Variants in LRRTM4 observed in about 807,000 individuals in gnomAD.
LRRTM4 encodes leucine rich repeat transmembrane neuronal 4.
LRRTM4 carries 25 observed loss-of-function variants against 47.6 expected under a neutral mutation model. That is an observed-to-expected ratio of 0.53 (90% CI 0.38 to 0.73). The LOEUF is 0.73. Ranked by LOEUF, LRRTM4 falls within the 30% of genes least tolerant of loss-of-function variation. The probability of loss-of-function intolerance (pLI) is 0.00; values close to 1 mark genes in which losing one functional copy is unlikely to be tolerated. For synonymous variants in LRRTM4, 311 were observed against 269.5 expected, an observed-to-expected ratio of 1.15 and a Z score of -1.51; for missense variants, 638 against 713.4, an observed-to-expected ratio of 0.89 and a Z score of 1.20.
intron 2 of LRRTM4, among the ~76,000 whole-genome samples, chr2:77,520,450 C>T (rs985225201): frequency 1.3e-5 from 2 of 151,966 alleles, no homozygotes; most frequent in Non-Finnish European, 2.9e-5. Flanking sequence ...TATAGGCAGC[C>T]AATGAAGCAT....
chr2:76,910,487 AAAGTAT>A (rs1252303585), intron 3 of LRRTM4, among the ~76,000 whole-genome samples: 1 of 152,200 alleles, frequency 6.6e-6, no homozygotes, highest in Non-Finnish European at 1.5e-5. Context: ...CCTAAAACTT[AAAGTAT>A]AATAATAAAA....
chr2:77,472,882 CA>C (rs1178414017), intron 3 of LRRTM4, among the ~76,000 whole-genome samples: 1 of 152,064 alleles, frequency 6.6e-6, no homozygotes, highest in Non-Finnish European at 1.5e-5. Context: ...TTAAACAAGT[CA>C]ATATCAGGTA....
At chr2:76,762,014 A>G (rs1286003695) in intron 3 of LRRTM4, among the ~76,000 whole-genome samples, 1 of 152,204 alleles carries the variant, frequency 6.6e-6, no homozygotes, top group Non-Finnish European at 1.5e-5. Context: ...GTGAGACTAC[A>G]GAGAATAGCT....
chr2:77,310,052 A>C (rs1175437432), intron 3 of LRRTM4, among the ~76,000 whole-genome samples: 1 of 152,190 alleles, frequency 6.6e-6, no homozygotes, highest in African/African-American at 2.4e-5. Context: ...TTACAAAAAA[A>C]ACTTTTTTTG....
At chr2:76,996,812 C>T (rs1470506) in intron 3 of LRRTM4, among the ~76,000 whole-genome samples, 76,402 of 151,744 alleles carry the variant, frequency 0.5, 19,919 homozygotes, top group African/African-American at 0.63. Flanking sequence ...AACAAAATTA[C>T]ATAATTGACA....
intron 3 of LRRTM4, among the ~76,000 whole-genome samples, chr2:77,333,786 C>G (rs887800844): frequency 6.6e-6 from 1 of 152,146 alleles, no homozygotes; most frequent in African/African-American, 2.4e-5. Context: ...CTGTGAGAAG[C>G]AGACCACCAT....
chr2:77,414,469 T>C (rs1018079174), intron 3 of LRRTM4, among the ~76,000 whole-genome samples: 14 of 152,232 alleles, frequency 9.2e-5, no homozygotes, highest in Non-Finnish European at 1.6e-4. Flanking sequence ...AGTGATCTTC[T>C]TCTGTGTTCC....
At chr2:77,147,792 T>G (rs1166855190) in intron 3 of LRRTM4, among the ~76,000 whole-genome samples, 1 of 152,162 alleles carries the variant, frequency 6.6e-6, no homozygotes, top group African/African-American at 2.4e-5. Flanking sequence ...TTGGGCTAAT[T>G]GTTAAGGAGG....
At chr2:77,292,077 C>CA (rs1023331963) in intron 3 of LRRTM4, among the ~76,000 whole-genome samples, 2 of 151,506 alleles carry the variant, frequency 1.3e-5, no homozygotes, top group Non-Finnish European at 2.9e-5. Flanking sequence ...TTTATGCAGC[C>CA]AAAAAAACAC....
intron 3 of LRRTM4, among the ~76,000 whole-genome samples, chr2:76,853,280 A>C (rs1011779651): frequency 1.3e-5 from 2 of 152,120 alleles, no homozygotes; most frequent in African/African-American, 4.8e-5. Flanking sequence ...AGAGATGTTC[A>C]AGAAATATAA....
At chr2:76,766,131 C>T (rs560870715) in intron 3 of LRRTM4, among the ~76,000 whole-genome samples, 17 of 152,308 alleles carry the variant, frequency 1.1e-4, no homozygotes, top group Middle Eastern at 3.4e-3. Flanking sequence ...CCTACAGAAG[C>T]ATGATCATTT....
At chr2:77,164,606 A>C (rs1672827758) in intron 3 of LRRTM4, among the ~76,000 whole-genome samples, 1 of 152,190 alleles carries the variant, frequency 6.6e-6, no homozygotes, top group Non-Finnish European at 1.5e-5. Flanking sequence ...AAATTATAAC[A>C]AACTGTCTCT....
At chr2:76,902,054 T>C (rs1673655332) in intron 3 of LRRTM4, among the ~76,000 whole-genome samples, 1 of 152,212 alleles carries the variant, frequency 6.6e-6, no homozygotes, top group African/African-American at 2.4e-5. Flanking sequence ...AAGAAATGTT[T>C]AGATTTCTAA....
chr2:76,805,809 A>AAAACAAAC (rs145013975), intron 3 of LRRTM4, among the ~76,000 whole-genome samples: 2,181 of 152,018 alleles, frequency 0.014, 49 homozygotes, highest in African/African-American at 0.049. Context: ...AGACCTCCAT[A>AAAACAAAC]AAACAAACAA....
chr2:77,415,863 G>A (rs951008295), intron 3 of LRRTM4, among the ~76,000 whole-genome samples: 1 of 152,032 alleles, frequency 6.6e-6, no homozygotes, highest in Non-Finnish European at 1.5e-5. Flanking sequence ...GTATTCCCTA[G>A]ATATTTGTCA....
At chr2:76,849,923 G>C (rs1274467842) in intron 3 of LRRTM4, among the ~76,000 whole-genome samples, 1 of 152,088 alleles carries the variant, frequency 6.6e-6, no homozygotes, top group Non-Finnish European at 1.5e-5. Context: ...TGAAAAGAAA[G>C]ATGATTGGTA....
intron 3 of LRRTM4, among the ~76,000 whole-genome samples, chr2:77,266,620 T>C (rs549498968): frequency 1.3e-5 from 2 of 152,244 alleles, no homozygotes; most frequent in East Asian, 3.9e-4. Flanking sequence ...GAAAAGGGCC[T>C]ATTAGTCCCA....
chr2:77,246,436 G>A (rs542755157), intron 3 of LRRTM4, among the ~76,000 whole-genome samples: 1 of 152,170 alleles, frequency 6.6e-6, no homozygotes, highest in African/African-American at 2.4e-5. Flanking sequence ...CATCTGTGCT[G>A]TTCAAAATTG....
chr2:77,123,031 A>G (rs1671559509), intron 3 of LRRTM4, among the ~76,000 whole-genome samples: 1 of 151,868 alleles, frequency 6.6e-6, no homozygotes, highest in Non-Finnish European at 1.5e-5. Flanking sequence ...ACAAAGAAAA[A>G]TGATTAGGAT....
Sources: allele counts gnomAD v4.1 joint callset (sites outside exome capture counted in the v4.1 genomes callset), GRCh38; gene constraint gnomAD v4.1.1; transcripts MANE v1.5; gene names NCBI Gene and HGNC (gene_info 2026-07-23, HGNC 2026-07-21).